Variants in NOL9 observed in about 807,000 individuals in gnomAD.
NOL9 encodes the protein polynucleotide 5'-hydroxyl-kinase NOL9.
Under a neutral mutation model 67.9 loss-of-function variants are expected in NOL9, and 28 were observed. The observed-to-expected ratio is 0.41, with a 90% confidence interval of 0.31 to 0.57. The LOEUF is 0.57. Among genes scored for constraint, NOL9 ranks in the 20% least tolerant of loss-of-function variants. The pLI, the probability that NOL9 is intolerant of heterozygous loss-of-function variation, is 0.25. For synonymous variants in NOL9, 356 were observed against 352.2 expected (o/e 1.01, Z -0.12); for missense variants, 777 against 897.0 (o/e 0.87, Z 1.71).
At chr1:6,548,588 C>A in intron 3 of NOL9, 1 of 384,366 alleles carries the variant, frequency 2.6e-6, no homozygotes, top group South Asian at 2.2e-5. Flanking sequence ...TGTAAAAGTG[C>A]TGAAGGCACA....
chr1:6,541,988 G>T, intron 5 of NOL9, 61 bp from the exon 6 acceptor site: 1 of 1,055,584 alleles, frequency 9.5e-7, no homozygotes, highest in Non-Finnish European at 1.4e-6. Context: ...TCAGTAGAAA[G>T]GATAATCACA....
chr1:6,537,014 C>G (rs1570056212), intron 6 of NOL9, among the ~76,000 whole-genome samples: 2 of 151,554 alleles, frequency 1.3e-5, no homozygotes, highest in East Asian at 3.9e-4. Context: ...CTGTCTCTCT[C>G]AAAAACCAAG....
Position 6,525,592 on chromosome 1 carries a change from G to T in NOL9, c.*262C>A. Reference sequence around the variant, plus strand: ...TTTCTGAGGAATCTCTGTTTTAATGGCACACAAACTGTTCTCTGCTGTTTT... The same window carrying T: ...TTTCTGAGGAATCTCTGTTTTAATGTCACACAAACTGTTCTCTGCTGTTTT... On this transcript the variant is annotated 3_prime_UTR_variant, in exon 12 of 12. Transcript: ENST00000377705. 2.3e-6 allele frequency: 1 copy of T among 428,718 alleles called. No homozygotes were observed. The highest frequency in any genetic ancestry group is 4.2e-6 in the Non-Finnish European group (1 of 240,502). 26.6% of individuals were successfully genotyped at this position (428,718 alleles called of 1,614,324 possible).
At chr1:6,536,810 C>T (rs1233032261) in intron 6 of NOL9, among the ~76,000 whole-genome samples, 3 of 152,096 alleles carry the variant, frequency 2.0e-5, no homozygotes, top group African/African-American at 7.2e-5. Context: ...GAGCAAGACC[C>T]GGTCTCAATA....
chr1:6,530,251 G>C (rs1226364026), intron 9 of NOL9, among the ~76,000 whole-genome samples: 1 of 152,110 alleles, frequency 6.6e-6, no homozygotes, highest in Admixed American at 6.5e-5. Context: ...TCAGGAGTTC[G>C]AGACCAGCCT....
intron 1 of NOL9, among the ~76,000 whole-genome samples, chr1:6,551,408 C>A (rs1195661193): frequency 1.3e-5 from 2 of 150,838 alleles, no homozygotes; most frequent in Non-Finnish European, 3.0e-5. Context: ...ACATGGCAAA[C>A]CCCCCTGCAC....
Position 6,525,707 on chromosome 1 carries a change from T to G in NOL9, c.*147A>C, listed in dbSNP as rs1638867601. On this transcript the variant is annotated 3_prime_UTR_variant, in exon 12 of 12. Transcript: ENST00000377705. The stretch of plus-strand genomic sequence containing the variant: ...CTTTAAAAGAGAAACTTAAGACTAC[T>G]ATATGACATTCACGAATTACACAAA... 1.2e-6 allele frequency: 1 copy of G among 802,956 alleles called. No homozygotes were observed. Among genetic ancestry groups the G allele is most frequent in the Admixed American group, 2.3e-5 (1 of 44,032 alleles). 49.7% of individuals were successfully genotyped at this position (802,956 alleles called of 1,614,324 possible). A position where few individuals can be genotyped will look rare whatever the true frequency, so the allele number is the denominator to read the frequency against.
At chr1:6,528,862 C>T in intron 10 of NOL9, 132 bp downstream of exon 10, 1 of 792,766 alleles carries the variant, frequency 1.3e-6, no homozygotes, top group Non-Finnish European at 2.0e-6. Flanking sequence ...CTAAGGCGTG[C>T]TATATAGATG....
intron 6 of NOL9, among the ~76,000 whole-genome samples, chr1:6,533,899 T>TG (rs1046804213): frequency 4.6e-5 from 7 of 152,076 alleles, no homozygotes; most frequent in African/African-American, 1.7e-4. Context: ...TCTTTTTTTT[T>TG]TTTTTTAGAC....
chr1:6,525,881 T>A lies in NOL9; in HGVS notation c.2082A>T (p.Arg694Ser). The A allele has an allele frequency of 6.2e-7, 1 of 1,614,172 alleles. No homozygotes were observed. ...EEAHKEKPYR[R>S]PKFCRKMK is the part of the protein sequence containing the mutation. The stretch of plus-strand genomic sequence containing the variant: ...ACTTCATTTTTCGACAGAACTTAGG[T>A]CTTCGGTATGGTTTCTCTTTATGTG... Residue 694 changes from arginine (R) to serine (S), a missense_variant, in exon 12 of 12, where the codon AGA becomes AGT. Arg to Ser is a moderately radical substitution (Grantham distance 110). Coordinates refer to ENST00000377705, the MANE Select transcript of NOL9 (RefSeq NM_024654.5).
chr1:6,550,658 A>C, intron 1 of NOL9, 43 bp from the exon 2 acceptor site: 23 of 1,338,192 alleles, frequency 1.7e-5, no homozygotes, highest in Non-Finnish European at 2.2e-5. Context: ...AGATCATGTC[A>C]CTAATGACTG....
chr1:6,526,728 T>C lies in NOL9; in HGVS notation c.1927A>G (p.Ile643Val), dbSNP rs1638893401. 3 of 1,613,608 alleles carry C rather than the reference T, an allele frequency of 1.9e-6. No individual in the cohort carries two copies. The highest frequency in any genetic ancestry group is 1.6e-4 in the Middle Eastern group (1 of 6,082). Residue 643 changes from isoleucine to valine, a missense_variant, in exon 11 of 12, where the codon ATT (isoleucine) becomes GTT (valine). Around this residue, in one of 2 missense-constraint regions of NOL9, gnomAD observed 413 missense variants for 552.6 expected, o/e 0.75. Transcript: ENST00000377705. Reference sequence around the variant, plus strand: ...TTAAGGACACAATGTGGAATGGCAATAGCTCCAACGAGCAGACAATTCACG... The same window carrying C: ...TTAAGGACACAATGTGGAATGGCAACAGCTCCAACGAGCAGACAATTCACG... The part of the protein sequence containing the change: ...RTVNCLLVGA[I>V]AIPHCVLKCQ...
At chr1:6,542,184 T>C (rs563950422) in intron 5 of NOL9, among the ~76,000 whole-genome samples, 139 of 138,742 alleles carry the variant, frequency 1.0e-3, no homozygotes, top group Non-Finnish European at 1.7e-3. Context: ...TTTTTTACGA[T>C]GGAGTCTCAC....
rs1267941854 is a variant in NOL9 at position 6,537,126 on chromosome 1, C to T, written c.1076-3685G>A. 7.9e-5 allele frequency among the ~76,000 whole-genome samples: 12 copies of T among 151,906 alleles called. 1 individual carries two copies. Among genetic ancestry groups the T allele is most frequent in the Non-Finnish European group, 1.8e-4 (12 of 67,980 alleles). ...AGCCAATTGACTTCTGACAAAGGTGCTAATAACAAAACAAGGGGGAAGGAC... is the reference window on the plus strand; with the variant it reads ...AGCCAATTGACTTCTGACAAAGGTGTTAATAACAAAACAAGGGGGAAGGAC... On this transcript the variant is annotated intron_variant, in intron 6 of 11. Transcript: ENST00000377705.
chr1:6,543,180 C>G (rs561687237), intron 5 of NOL9, among the ~76,000 whole-genome samples: 1 of 150,250 alleles, frequency 6.7e-6, no homozygotes, highest in African/African-American at 2.4e-5. Flanking sequence ...AGGCAGAAGC[C>G]ACGGTGCCCA....
chr1:6,532,528 C>T lies in NOL9; in HGVS notation c.1470G>A (p.Glu490=). The change falls in exon 8 of 12, where the codon GAG becomes GAA. Residue 490 remains glutamate (E), a synonymous_variant. Coordinates refer to ENST00000377705, the MANE Select transcript of NOL9 (RefSeq NM_024654.5). The part of the protein sequence containing the change: ...FADEEKESPV[E]FTGHKLIGVY... ...CACCTATCAGTTTATGTCCAGTGAA[C>T]TCAACTGGACTCTCTTTTTCTTCAT... is the stretch of plus-strand genomic sequence containing the variant. 1 of 1,614,068 alleles carries T rather than the reference C, an allele frequency of 6.2e-7. No individual in the cohort carries two copies. The highest frequency in any genetic ancestry group is 8.5e-7 in the Non-Finnish European group (1 of 1,179,904).
chr1:6,523,595 A>AG lies in NOL9; in HGVS notation c.*2258_*2259insC. The AG allele has an allele frequency of 6.6e-6, 1 of 151,490 alleles. No individual in the cohort carries two copies. Among genetic ancestry groups the AG allele is most frequent in the South Asian group, 2.1e-4 (1 of 4,770 alleles). The allele number at this position is 151,490 out of a possible 1,614,324, so 9.4% of individuals were successfully genotyped here. ...ACTCCATCTCAAAAAAAAAAAAAAAAAAAAAAAAGGATAAAAAGGCCACTG... is the reference window on the plus strand; with the variant it reads ...ACTCCATCTCAAAAAAAAAAAAAAAAGAAAAAAAAGGATAAAAAGGCCACTG... On this transcript the variant is annotated 3_prime_UTR_variant, in exon 12 of 12. Transcript: ENST00000377705.
chr1:6,535,251 A>G (rs1042384607), intron 6 of NOL9, among the ~76,000 whole-genome samples: 1 of 152,238 alleles, frequency 6.6e-6, no homozygotes, highest in Non-Finnish European at 1.5e-5. Context: ...ATAACACACC[A>G]GAGGCAACAA....
intron 3 of NOL9, among the ~76,000 whole-genome samples, chr1:6,546,492 C>A (rs1639424300): frequency 6.6e-6 from 1 of 152,214 alleles, no homozygotes; most frequent in South Asian, 2.1e-4. Context: ...CTGCTTCCCA[C>A]ACAGTGACGA....
Sources: gnomAD v4.1 joint callset for allele counts (sites outside exome capture counted in the v4.1 genomes callset) on GRCh38, gnomAD v4.1.1 for gene constraint, gnomAD v4.1.1 regional missense constraint, MANE v1.5 for transcripts, NCBI Gene and HGNC (gene_info 2026-07-23, HGNC 2026-07-21) for gene names.